The following IKZF1 variants were observed in gnomAD, a reference collection of about 807,000 sequenced individuals.
IKZF1 encodes IKAROS family zinc finger 1.
A neutral mutation model predicts 51.7 loss-of-function variants in IKZF1; 10 were observed. That is an observed-to-expected ratio of 0.19 (90% CI 0.12 to 0.33). The LOEUF (loss-of-function observed/expected upper bound fraction) is 0.33. IKZF1 is among the 10% of genes least tolerant of loss of function. The probability of loss-of-function intolerance (pLI) is 1.00; values close to 1 mark genes in which losing one functional copy is unlikely to be tolerated. For missense variants in IKZF1, 484 were observed against 707.5 expected (o/e 0.68, Z 3.58); for synonymous variants, 280 against 282.3 (o/e 0.99, Z 0.08).
At chr7:50,343,987 G>T (rs1394430825) in intron 3 of IKZF1, among the ~76,000 whole-genome samples, 2 of 152,182 alleles carry the variant, frequency 1.3e-5, no homozygotes, top group African/African-American at 4.8e-5. Context: ...GAAGTCGTGA[G>T]AATTGCTTTC....
At chr7:50,333,922 G>A (rs1473461577) in intron 3 of IKZF1, among the ~76,000 whole-genome samples, 2 of 152,088 alleles carry the variant, frequency 1.3e-5, no homozygotes, top group South Asian at 2.1e-4. Context: ...AGATGATCCC[G>A]GTTGGAAAGC....
At chr7:50,336,638 G>T (rs1797856253) in intron 3 of IKZF1, among the ~76,000 whole-genome samples, 2 of 152,204 alleles carry the variant, frequency 1.3e-5, no homozygotes. Context: ...GCAGAGAAGG[G>T]CATCTCAGCA....
intron 3 of IKZF1, 165 bp downstream of exon 3, chr7:50,327,922 T>C (rs926804919): frequency 1.9e-5 from 15 of 785,594 alleles, no homozygotes; most frequent in Non-Finnish European, 2.7e-5. Context: ...TCCTCTGGTG[T>C]GTGGGAGGAT....
chr7:50,390,307 G>A (rs2153496119), intron 6 of IKZF1, among the ~76,000 whole-genome samples: 1 of 152,328 alleles, frequency 6.6e-6, no homozygotes, highest in Admixed American at 6.5e-5. Context: ...GGATGGACAT[G>A]TCAGGAAGCA....
intron 3 of IKZF1, among the ~76,000 whole-genome samples, chr7:50,348,916 C>G (rs1210505185): frequency 1.3e-5 from 2 of 152,178 alleles, no homozygotes; most frequent in Admixed American, 6.5e-5. Context: ...ATGGCCCTTT[C>G]TATGCTTCAC....
chr7:50,306,319 C>T (rs1216109087), intron 1 of IKZF1, among the ~76,000 whole-genome samples: 2 of 152,122 alleles, frequency 1.3e-5, no homozygotes, highest in African/African-American at 2.4e-5. Context: ...AAAAACGTGA[C>T]TCTTAAGTCT....
At chr7:50,372,838 G>C (rs563989314) in intron 3 of IKZF1, among the ~76,000 whole-genome samples, 1 of 152,156 alleles carries the variant, frequency 6.6e-6, no homozygotes, top group Non-Finnish European at 1.5e-5. Context: ...GTGCCTTTTC[G>C]ACTAGGAGTT....
chr7:50,305,905 C>T (rs1432465059), intron 1 of IKZF1, among the ~76,000 whole-genome samples: 1 of 151,928 alleles, frequency 6.6e-6, no homozygotes, highest in Non-Finnish European at 1.5e-5. Context: ...GGTTATGAGT[C>T]GAGGGGTGGG....
chr7:50,358,450 C>T (rs150499783), intron 3 of IKZF1, among the ~76,000 whole-genome samples: 161 of 152,326 alleles, frequency 1.1e-3, no homozygotes, highest in Non-Finnish European at 1.9e-3. Flanking sequence ...ATTTCCTGAG[C>T]GCCAGCTAAT....
At chr7:50,328,182 A>G (rs1334321521) in intron 3 of IKZF1, 2 of 154,524 alleles carry the variant, frequency 1.3e-5, no homozygotes, top group Non-Finnish European at 2.9e-5. Flanking sequence ...TCTAATCTCT[A>G]GTTCTTAAAT....
At chr7:50,335,552 ATGTGTGG>A (rs1486749895) in intron 3 of IKZF1, among the ~76,000 whole-genome samples, 5 of 122,710 alleles carry the variant, frequency 4.1e-5, no homozygotes, top group Non-Finnish European at 5.0e-5. Flanking sequence ...TGTGTATGGG[ATGTGTGG>A]TGTGTGGTGT....
rs190997349 is a variant in IKZF1 at position 50,386,117 on chromosome 7, A to G, written c.590-1228A>G. On this transcript the variant is annotated intron_variant, in intron 5 of 7. Coordinates refer to ENST00000331340, the MANE Select transcript of IKZF1 (RefSeq NM_006060.6). Reference sequence around the variant, plus strand: ...GATTCTGCTATTAGGTTGGAAATTGATATTCCTTACATAAGTGATTAAAGA... The same window carrying G: ...GATTCTGCTATTAGGTTGGAAATTGGTATTCCTTACATAAGTGATTAAAGA... Among the ~76,000 whole-genome samples, 343 of 152,362 alleles carry G rather than the reference A, an allele frequency of 2.3e-3. 3 individuals carry two copies. The highest frequency in any genetic ancestry group is 7.9e-3 in the African/African-American group (327 of 41,598).
chr7:50,344,490 T>A (rs777592338), intron 3 of IKZF1, among the ~76,000 whole-genome samples: 3 of 152,230 alleles, frequency 2.0e-5, no homozygotes, highest in Non-Finnish European at 2.9e-5. Context: ...TTTTGTGCTT[T>A]GGGAAACACA....
intron 3 of IKZF1, among the ~76,000 whole-genome samples, chr7:50,339,802 A>G (rs1174747825): frequency 4.6e-5 from 7 of 152,066 alleles, no homozygotes; most frequent in Non-Finnish European, 1.0e-4. Flanking sequence ...TTTATGAGCT[A>G]TTATGCTATT....
intron 7 of IKZF1, among the ~76,000 whole-genome samples, chr7:50,395,578 G>T (rs1816484373): frequency 6.6e-6 from 1 of 152,088 alleles, no homozygotes; most frequent in African/African-American, 2.4e-5. Flanking sequence ...ACATTGTCCA[G>T]CTTTGTAATA....
intron 6 of IKZF1, among the ~76,000 whole-genome samples, chr7:50,390,114 CT>C (rs1465813705): frequency 1.3e-5 from 2 of 152,276 alleles, no homozygotes; most frequent in Admixed American, 1.3e-4. Context: ...GTCACCAGCC[CT>C]TGGAGGTGCA....
At chr7:50,311,273 A>G (rs1188433237) in intron 1 of IKZF1, among the ~76,000 whole-genome samples, 6 of 152,236 alleles carry the variant, frequency 3.9e-5, no homozygotes, top group Admixed American at 3.9e-4. Flanking sequence ...TTTATATTGC[A>G]AGGAATAAGA....
At chr7:50,368,669 T>C in intron 3 of IKZF1, 1 of 300,814 alleles carries the variant, frequency 3.3e-6, no homozygotes, top group Admixed American at 4.6e-5. Flanking sequence ...TTTTCTTTTT[T>C]AGATATTGAG....
intron 2 of IKZF1, among the ~76,000 whole-genome samples, chr7:50,324,801 T>A (rs1432438036): frequency 6.6e-6 from 1 of 152,192 alleles, no homozygotes; most frequent in Non-Finnish European, 1.5e-5. Flanking sequence ...GGATGTATTT[T>A]AGCATGCACT....
Sources: allele counts gnomAD v4.1 joint callset (sites outside exome capture counted in the v4.1 genomes callset), GRCh38; gene constraint gnomAD v4.1.1; transcripts MANE v1.5; gene names NCBI Gene and HGNC (gene_info 2026-07-23, HGNC 2026-07-21).